The following WDR70 variants were observed in gnomAD, a reference collection of about 807,000 sequenced individuals.
WDR70 encodes WD repeat-containing protein 70.
In WDR70, 53 loss-of-function variants were observed where a neutral mutation model predicts 88.6. The observed-to-expected ratio is 0.60, with a 90% CI of 0.48 to 0.75. WDR70 has a LOEUF of 0.75. Among genes scored for constraint, WDR70 ranks in the 30% least tolerant of loss-of-function variants. WDR70 has a pLI of 0.00. For missense variants in WDR70, 610 were observed against 823.2 expected (o/e 0.74, Z 3.17); for synonymous variants, 280 against 270.0 (o/e 1.04, Z -0.36).
intron 10 of WDR70, among the ~76,000 whole-genome samples, chr5:37,621,257 TG>T (rs1165742070): frequency 1.3e-5 from 2 of 152,184 alleles, no homozygotes; most frequent in African/African-American, 2.4e-5. Context: ...ATCACCATAT[TG>T]TTTTTTAAAT....
chr5:37,561,955 G>T lies in WDR70; in HGVS notation c.918-43109G>T, dbSNP rs539693241. Among the ~76,000 whole-genome samples the T allele has an allele frequency of 2.6e-5, 4 of 152,284 alleles. No individual in the cohort carries two copies. In the East Asian group the frequency reaches 5.8e-4, roughly 22 times the overall value. ...GGCAAGGAAAAAAGAGGCATTTGAGGTATTCCATGATGCTGTCTCATGGTC... is the reference window on the plus strand; with the variant it reads ...GGCAAGGAAAAAAGAGGCATTTGAGTTATTCCATGATGCTGTCTCATGGTC... On this transcript the variant is annotated intron_variant, in intron 9 of 17. Coordinates refer to ENST00000265107, the MANE Select transcript of WDR70 (RefSeq NM_018034.4).
At chr5:37,671,916 G>A (rs906867019) in intron 10 of WDR70, among the ~76,000 whole-genome samples, 31 of 152,150 alleles carry the variant, frequency 2.0e-4, no homozygotes, top group African/African-American at 7.2e-4. Context: ...AAAGAGATCA[G>A]ACTGTTACTG....
intron 10 of WDR70, among the ~76,000 whole-genome samples, chr5:37,680,175 T>C (rs113518652): frequency 0.014 from 2,096 of 152,030 alleles, 41 homozygotes; most frequent in African/African-American, 0.047. Flanking sequence ...TTTTTTCATA[T>C]GTTTATTGGC....
At chr5:37,582,559 TCTGC>T (rs2112428582) in intron 9 of WDR70, among the ~76,000 whole-genome samples, 1 of 152,354 alleles carries the variant, frequency 6.6e-6, no homozygotes, top group South Asian at 2.1e-4. Context: ...GAATCCTAAC[TCTGC>T]TACTACTAAC....
At chr5:37,591,757 T>C (rs898872443) in intron 9 of WDR70, among the ~76,000 whole-genome samples, 8 of 152,118 alleles carry the variant, frequency 5.3e-5, no homozygotes, top group African/African-American at 1.9e-4. Flanking sequence ...ATATCCCCAA[T>C]GAACTGAAAC....
At chr5:37,500,998 C>G (rs2112219484) in intron 8 of WDR70, among the ~76,000 whole-genome samples, 1 of 152,238 alleles carries the variant, frequency 6.6e-6, no homozygotes, top group South Asian at 2.1e-4. Context: ...CTTGGCCTCC[C>G]AAAGTGCTGG....
chr5:37,735,942 A>G lies in WDR70; in HGVS notation c.1877+8897A>G, dbSNP rs188811473. On this transcript the variant is annotated intron_variant, in intron 17 of 17. Coordinates refer to ENST00000265107, the MANE Select transcript of WDR70 (RefSeq NM_018034.4). ...CTGGTGATGATAACAAAGAGTCTTT[A>G]AAGAGTTTACATTTATAGATTATTT... Among the ~76,000 whole-genome samples the G allele has an allele frequency of 3.6e-3, 544 of 152,294 alleles. 9 individuals are homozygous for G. The highest frequency in any genetic ancestry group is 3.5e-3 in the Non-Finnish European group (239 of 68,016).
At chr5:37,560,684 C>T (rs1742476310) in intron 9 of WDR70, among the ~76,000 whole-genome samples, 1 of 151,968 alleles carries the variant, frequency 6.6e-6, no homozygotes, top group Non-Finnish European at 1.5e-5. Flanking sequence ...GAGACTAGGC[C>T]TCTTTGTTAG....
intron 10 of WDR70, among the ~76,000 whole-genome samples, chr5:37,684,013 G>T (rs140707181): frequency 1.2e-4 from 18 of 151,912 alleles, no homozygotes; most frequent in African/African-American, 3.1e-4. Context: ...ACATAATCTC[G>T]TATTTCTCAG....
At chr5:37,673,134 T>C (rs1429520065) in intron 10 of WDR70, among the ~76,000 whole-genome samples, 1 of 152,004 alleles carries the variant, frequency 6.6e-6, no homozygotes, top group Non-Finnish European at 1.5e-5. Flanking sequence ...CTCCCACTTA[T>C]AAGTGAGAAC....
intron 7 of WDR70, among the ~76,000 whole-genome samples, chr5:37,465,678 CT>C (rs1373910745): frequency 2.9e-4 from 11 of 38,578 alleles, no homozygotes; most frequent in African/African-American, 1.2e-3. Context: ...TTTTTTTTTT[CT>C]GAAGTATCCA....
chr5:37,739,890 A>C (rs963381010), intron 17 of WDR70, among the ~76,000 whole-genome samples: 2 of 152,084 alleles, frequency 1.3e-5, no homozygotes, highest in South Asian at 4.2e-4. Flanking sequence ...ATCAGTGTAC[A>C]AATTCCATTT....
At chr5:37,698,748 T>C (rs1747056918) in intron 11 of WDR70, among the ~76,000 whole-genome samples, 1 of 152,164 alleles carries the variant, frequency 6.6e-6, no homozygotes, top group Non-Finnish European at 1.5e-5. Context: ...GTGGCACAGC[T>C]TTCCCCTCAA....
chr5:37,382,101 G>GT (rs1187912874), intron 3 of WDR70, among the ~76,000 whole-genome samples: 3 of 110,276 alleles, frequency 2.7e-5, no homozygotes, highest in African/African-American at 2.3e-4. Flanking sequence ...TATCACTGTT[G>GT]TTTTTTTTTT....
rs1481913564 is a variant in WDR70, at chr5:37,645,883, G to A, written c.1092+40645G>A. Among the ~76,000 whole-genome samples, 8 of 152,052 alleles carry A rather than the reference G, an allele frequency of 5.3e-5. 1 individual carries two copies. The South Asian group carries it at 1.0e-3, about 20-fold the overall frequency. On this transcript the variant is annotated intron_variant, in intron 10 of 17. Coordinates refer to ENST00000265107, the MANE Select transcript of WDR70 (RefSeq NM_018034.4). ...TCTTTGTGGATGAAGTGTGTTTCTTGTAAGCAACAGGTCATTGGGTCTTGT... is the reference window on the plus strand; with the variant it reads ...TCTTTGTGGATGAAGTGTGTTTCTTATAAGCAACAGGTCATTGGGTCTTGT...
At chr5:37,460,917 C>G (rs1738978625) in intron 7 of WDR70, among the ~76,000 whole-genome samples, 1 of 151,596 alleles carries the variant, frequency 6.6e-6, no homozygotes, top group Admixed American at 6.6e-5. Context: ...CTCACCTTTT[C>G]CTCTTTTAAC....
chr5:37,556,787 C>G (rs780696986), intron 9 of WDR70, among the ~76,000 whole-genome samples: 6 of 152,132 alleles, frequency 3.9e-5, no homozygotes, highest in Non-Finnish European at 5.9e-5. Context: ...TGTCATGTGT[C>G]AATTAGGGAT....
intron 9 of WDR70, among the ~76,000 whole-genome samples, chr5:37,596,385 A>G (rs1388874124): frequency 6.6e-6 from 1 of 152,118 alleles, no homozygotes; most frequent in Non-Finnish European, 1.5e-5. Context: ...TTTCTTCTCA[A>G]ATTCTGTATT....
chr5:37,578,587 G>A (rs973277339), intron 9 of WDR70, among the ~76,000 whole-genome samples: 1 of 152,090 alleles, frequency 6.6e-6, no homozygotes, highest in Non-Finnish European at 1.5e-5. Flanking sequence ...GCAAATTTGT[G>A]TCATTTTTCT....
Sources: allele counts gnomAD v4.1 joint callset (sites outside exome capture counted in the v4.1 genomes callset), GRCh38; gene constraint gnomAD v4.1.1; transcripts MANE v1.5; gene names NCBI Gene and HGNC (gene_info 2026-07-23, HGNC 2026-07-21).